Variants in CADM2 observed in about 807,000 individuals in gnomAD.
The protein encoded by CADM2 is cell adhesion molecule 2, also known as immunoglobulin superfamily member 4D.
In CADM2, 12 loss-of-function variants were observed where a neutral mutation model predicts 49.8. The observed-to-expected ratio is 0.24, with a 90% CI of 0.15 to 0.39. The LOEUF is 0.39. Ranked by LOEUF, CADM2 falls within the 10% of genes least tolerant of loss-of-function variation. The pLI, the probability that CADM2 is intolerant of heterozygous loss-of-function variation, is 1.00. For missense variants in CADM2, 378 were observed against 492.3 expected (o/e 0.77, Z 2.20); for synonymous variants, 214 against 175.4 (o/e 1.22, Z -1.74).
intron 1 of CADM2, among the ~76,000 whole-genome samples, chr3:85,344,201 C>T (rs1325263608): frequency 2.0e-5 from 3 of 151,208 alleles, no homozygotes; most frequent in Non-Finnish European, 4.4e-5. Context: ...CGGTGAAACC[C>T]CATCTCTACT....
At chr3:85,034,250 A>T (rs960776275) in intron 1 of CADM2, among the ~76,000 whole-genome samples, 2 of 152,104 alleles carry the variant, frequency 1.3e-5, no homozygotes, top group South Asian at 4.1e-4. Context: ...TTTTGTGCAT[A>T]TTAATTGTAC....
intron 1 of CADM2, among the ~76,000 whole-genome samples, chr3:85,400,398 G>A (rs1412404069): frequency 6.6e-6 from 1 of 152,180 alleles, no homozygotes; most frequent in African/African-American, 2.4e-5. Context: ...AGGGATATTG[G>A]TCTAAAATTC....
chr3:85,071,035 T>C (rs896998784), intron 1 of CADM2, among the ~76,000 whole-genome samples: 2 of 150,126 alleles, frequency 1.3e-5, no homozygotes, highest in Non-Finnish European at 3.0e-5. Flanking sequence ...AATAAATAAA[T>C]AAATAAAATA....
intron 8 of CADM2, among the ~76,000 whole-genome samples, chr3:85,974,534 T>C (rs1443507080): frequency 3.3e-5 from 5 of 151,512 alleles, no homozygotes. Context: ...AGTTTTGGAG[T>C]TCCTATCAGA....
intron 1 of CADM2, among the ~76,000 whole-genome samples, chr3:85,345,207 G>A (rs36126546): frequency 1.5e-3 from 218 of 150,240 alleles, no homozygotes; most frequent in Non-Finnish European, 2.4e-3. Context: ...ACAGCTACTC[G>A]GGGAGCTGAG....
rs143331235 is a variant in CADM2, at chr3:85,042,923, C to G, written c.61+83255C>G. Among the ~76,000 whole-genome samples the G allele has an allele frequency of 6.3e-3, 960 of 152,194 alleles. 8 individuals carry two copies. Among genetic ancestry groups the G allele is most frequent in the African/African-American group, 0.022 (902 of 41,536 alleles). On this transcript the variant is annotated intron_variant, in intron 1 of 9. Transcript: ENST00000383699. ...CAAATGTTATTCATTTGTACATGCA[C>G]ATAGGGATCCACCACAGAGAGTGAA... is the stretch of plus-strand genomic sequence containing the variant.
At chr3:85,906,636 G>C (rs924170462) in intron 5 of CADM2, among the ~76,000 whole-genome samples, 2 of 152,086 alleles carry the variant, frequency 1.3e-5, no homozygotes, top group Non-Finnish European at 2.9e-5. Flanking sequence ...TTTCAGACAG[G>C]AATTGTATGA....
intron 1 of CADM2, among the ~76,000 whole-genome samples, chr3:85,055,558 AT>A (rs2036049414): frequency 6.6e-6 from 1 of 151,952 alleles, no homozygotes; most frequent in Non-Finnish European, 1.5e-5. Context: ...TTATATGCAT[AT>A]TTTGGTAGTA....
chr3:85,418,818 G>T (rs2036028084), intron 1 of CADM2, among the ~76,000 whole-genome samples: 1 of 152,102 alleles, frequency 6.6e-6, no homozygotes, highest in South Asian at 2.1e-4. Flanking sequence ...ACACAAAGCA[G>T]TTTCTTTTCT....
intron 1 of CADM2, among the ~76,000 whole-genome samples, chr3:85,691,167 A>T (rs2066374822): frequency 6.6e-6 from 1 of 152,142 alleles, no homozygotes; most frequent in Non-Finnish European, 1.5e-5. Flanking sequence ...TATGAATGAG[A>T]TCATGCAACA....
chr3:85,081,470 T>A (rs930561596), intron 1 of CADM2, among the ~76,000 whole-genome samples: 1 of 152,198 alleles, frequency 6.6e-6, no homozygotes, highest in Non-Finnish European at 1.5e-5. Context: ...ATACCAAGTA[T>A]AAGATTCATA....
intron 1 of CADM2, among the ~76,000 whole-genome samples, chr3:85,223,635 G>A (rs2042087973): frequency 6.6e-6 from 1 of 151,796 alleles, no homozygotes; most frequent in Non-Finnish European, 1.5e-5. Context: ...TTAAGTTCTG[G>A]GGTACATGTG....
chr3:85,327,377 T>C (rs534746578), intron 1 of CADM2, among the ~76,000 whole-genome samples: 1 of 152,162 alleles, frequency 6.6e-6, no homozygotes, highest in South Asian at 2.1e-4. Flanking sequence ...TGCCTCAGCC[T>C]CCTGAGTAAC....
At chr3:85,198,047 A>G (rs544828444) in intron 1 of CADM2, among the ~76,000 whole-genome samples, 1 of 152,070 alleles carries the variant, frequency 6.6e-6, no homozygotes, top group East Asian at 1.9e-4. Flanking sequence ...CAGTGAAGCT[A>G]ATAATATGGT....
chr3:85,530,074 T>A (rs2061263186), intron 1 of CADM2, among the ~76,000 whole-genome samples: 1 of 151,872 alleles, frequency 6.6e-6, no homozygotes, highest in Non-Finnish European at 1.5e-5. Context: ...AGAGACTTAG[T>A]GGGAGGTGAT....
At chr3:85,934,246 A>G (rs547294999) in intron 6 of CADM2, among the ~76,000 whole-genome samples, 4 of 152,248 alleles carry the variant, frequency 2.6e-5, no homozygotes, top group South Asian at 4.1e-4. Flanking sequence ...GTTTGACCAG[A>G]ACAGTCTGGT....
At chr3:85,821,290 A>G (rs1353977826) in intron 3 of CADM2, among the ~76,000 whole-genome samples, 2 of 152,120 alleles carry the variant, frequency 1.3e-5, no homozygotes, top group African/African-American at 4.8e-5. Context: ...ATCAGACATC[A>G]ATAATCTTAC....
intron 1 of CADM2, among the ~76,000 whole-genome samples, chr3:84,993,278 C>CA (rs1185305186): frequency 2.6e-5 from 4 of 152,032 alleles, no homozygotes; most frequent in Admixed American, 2.6e-4. Context: ...TACTATAGCC[C>CA]ATTACAGTGA....
intron 1 of CADM2, among the ~76,000 whole-genome samples, chr3:85,046,746 T>C (rs7628129): frequency 0.37 from 55,994 of 151,896 alleles, 13,449 homozygotes; most frequent in Non-Finnish European, 0.54. Flanking sequence ...GATAGACTAA[T>C]GTTTTTAAAA....
Sources: gnomAD v4.1 joint callset for allele counts (sites outside exome capture counted in the v4.1 genomes callset) on GRCh38, gnomAD v4.1.1 for gene constraint, MANE v1.5 for transcripts, NCBI Gene and HGNC (gene_info 2026-07-23, HGNC 2026-07-21) for gene names.